The following ERC2 variants were observed in gnomAD, a reference collection of about 807,000 sequenced individuals.
ERC2 encodes the protein ELKS/RAB6-interacting/CAST family member 2.
A neutral mutation model predicts 114.8 loss-of-function variants in ERC2; 42 were observed. The observed-to-expected ratio is 0.37, with a 90% CI of 0.29 to 0.47. The LOEUF is 0.47. ERC2 is among the 20% of genes least tolerant of loss of function. ERC2 has a pLI of 0.99. For synonymous variants in ERC2, 454 were observed against 425.5 expected (o/e 1.07, Z -0.82); for missense variants, 939 against 1,150.7 (o/e 0.82, Z 2.66).
chr3:56,178,161 T>C (rs890481349), intron 3 of ERC2, among the ~76,000 whole-genome samples: 3 of 152,206 alleles, frequency 2.0e-5, no homozygotes, highest in African/African-American at 7.2e-5. Flanking sequence ...AGTGGGTTAA[T>C]CTGGATGGAC....
At chr3:55,833,239 G>A (rs1053044317) in intron 14 of ERC2, among the ~76,000 whole-genome samples, 1 of 150,292 alleles carries the variant, frequency 6.7e-6, no homozygotes, top group African/African-American at 2.5e-5. Flanking sequence ...CCAACATTCA[G>A]ATTCAGGAAA....
At chr3:56,109,598 T>C (rs895855216) in intron 6 of ERC2, among the ~76,000 whole-genome samples, 6 of 152,158 alleles carry the variant, frequency 3.9e-5, no homozygotes, top group Admixed American at 1.3e-4. Context: ...TAACAGAATA[T>C]GATGCAGCAG....
rs2055222806 is a variant in ERC2 at position 56,293,478 on chromosome 3, C to T, written c.1074+2541G>A. On this transcript the variant is annotated intron_variant, in intron 3 of 17. Transcript: ENST00000288221. Reference sequence around the variant, plus strand: ...CAATTCCAGGCTACGTGTGGTTTAACACCAGGATCATGAGATTCCTGAGAA... The same window carrying T: ...CAATTCCAGGCTACGTGTGGTTTAATACCAGGATCATGAGATTCCTGAGAA... Among the ~76,000 whole-genome samples the T allele has an allele frequency of 2.0e-5, 3 of 152,174 alleles. No individual in the cohort carries two copies. In the South Asian group the frequency reaches 6.2e-4, roughly 32 times the overall value.
intron 14 of ERC2, among the ~76,000 whole-genome samples, chr3:55,825,340 G>A (rs1388873341): frequency 2.0e-5 from 3 of 152,038 alleles, no homozygotes; most frequent in African/African-American, 4.8e-5. Context: ...CAAATAAAAC[G>A]GTTATATGGT....
chr3:55,810,465 C>CTTTTTTTTTT (rs11318195), intron 14 of ERC2, among the ~76,000 whole-genome samples: 24 of 146,422 alleles, frequency 1.6e-4, no homozygotes, highest in African/African-American at 5.8e-4. Context: ...CTCTCTCCCT[C>CTTTTTTTTTT]TTTTTTTTTT....
chr3:55,578,959 G>A (rs1291976111), intron 17 of ERC2, among the ~76,000 whole-genome samples: 1 of 152,176 alleles, frequency 6.6e-6, no homozygotes, highest in East Asian at 1.9e-4. Flanking sequence ...AGTGGGGAGA[G>A]AGACAGAGAG....
chr3:55,589,215 C>CAA lies in ERC2; in HGVS notation c.*40-77941_*40-77940dup, dbSNP rs5849104. Among the ~76,000 whole-genome samples the CAA allele has an allele frequency of 5.8e-3, 575 of 99,662 alleles. 8 individuals are homozygous for CAA. The highest frequency in any genetic ancestry group is 9.4e-3 in the African/African-American group (244 of 26,080). 65.4% of individuals were successfully genotyped at this position (99,662 alleles called of 152,430 possible). A position where few individuals can be genotyped will look rare whatever the true frequency, so the allele number is the denominator to read the frequency against. On this transcript the variant is annotated intron_variant, in intron 17 of 17. Coordinates refer to ENST00000288221, the MANE Select transcript of ERC2 (RefSeq NM_015576.3). ...CAACACAGTGAAACCCAGTCACTAC[C>CAA]AAAAAAAAAAAAAAAAAAAGAGAGA...
intron 17 of ERC2, chr3:55,611,003 A>G (rs1002726684): frequency 6.6e-6 from 1 of 152,236 alleles, no homozygotes; most frequent in Non-Finnish European, 1.5e-5. Flanking sequence ...GGTTGGTGTT[A>G]TCAGAAATGA....
chr3:56,161,971 G>A (rs1022281779), intron 4 of ERC2, among the ~76,000 whole-genome samples: 2 of 152,090 alleles, frequency 1.3e-5, no homozygotes, highest in African/African-American at 4.8e-5. Context: ...CAGTTCTCAA[G>A]GGGAATGTGT....
chr3:56,023,448 T>C (rs533254678), intron 7 of ERC2, among the ~76,000 whole-genome samples: 52 of 152,228 alleles, frequency 3.4e-4, no homozygotes, highest in African/African-American at 1.2e-3. Flanking sequence ...ATCTTCCCTA[T>C]CTTTGCCTAT....
intron 6 of ERC2, among the ~76,000 whole-genome samples, chr3:56,101,638 G>A (rs78910402): frequency 0.026 from 3,934 of 152,248 alleles, 174 homozygotes; most frequent in African/African-American, 0.09. Context: ...AGAAACTGAA[G>A]GACCTGAAAA....
chr3:55,969,806 T>A (rs2069025382), intron 12 of ERC2, among the ~76,000 whole-genome samples: 1 of 152,214 alleles, frequency 6.6e-6, no homozygotes, highest in East Asian at 1.9e-4. Flanking sequence ...TTTATTAGCT[T>A]GGCTAACAAC....
At chr3:56,069,170 A>C (rs2076614642) in intron 7 of ERC2, among the ~76,000 whole-genome samples, 1 of 152,034 alleles carries the variant, frequency 6.6e-6, no homozygotes, top group Non-Finnish European at 1.5e-5. Context: ...TTGTGTGGGA[A>C]GACTGCCATT....
chr3:55,805,771 A>G (rs1351439480), intron 14 of ERC2, among the ~76,000 whole-genome samples: 3 of 152,020 alleles, frequency 2.0e-5, no homozygotes, highest in Non-Finnish European at 4.4e-5. Flanking sequence ...ACACCCAGAA[A>G]CCCAGCTCAC....
chr3:55,554,036 T>G (rs1365484410), intron 17 of ERC2, among the ~76,000 whole-genome samples: 2 of 152,226 alleles, frequency 1.3e-5, no homozygotes, highest in African/African-American at 4.8e-5. Context: ...AATGTAATCC[T>G]GCCTAGGCTT....
chr3:56,080,005 G>A (rs937846674), intron 7 of ERC2, among the ~76,000 whole-genome samples: 4 of 151,976 alleles, frequency 2.6e-5, no homozygotes, highest in Non-Finnish European at 5.9e-5. Flanking sequence ...AGGCTCCTGC[G>A]GCCCACCATT....
chr3:56,156,204 T>C (rs750347147), intron 4 of ERC2, among the ~76,000 whole-genome samples: 1 of 152,030 alleles, frequency 6.6e-6, no homozygotes, highest in African/African-American at 2.4e-5. Context: ...GCAAAAATCA[T>C]GGAAATTATG....
At chr3:56,183,378 T>C (rs2083399560) in intron 3 of ERC2, among the ~76,000 whole-genome samples, 6 of 152,234 alleles carry the variant, frequency 3.9e-5, no homozygotes, top group Admixed American at 2.6e-4. Context: ...AGTTACTGGA[T>C]TTTCTCTAAT....
chr3:55,634,528 G>C (rs1350655955), intron 17 of ERC2, among the ~76,000 whole-genome samples: 6 of 152,118 alleles, frequency 3.9e-5, no homozygotes. Flanking sequence ...TCTTCCAGAG[G>C]AATGAATCAG....
Sources: allele counts gnomAD v4.1 joint callset (sites outside exome capture counted in the v4.1 genomes callset), GRCh38; gene constraint gnomAD v4.1.1; transcripts MANE v1.5; gene names NCBI Gene and HGNC (gene_info 2026-07-23, HGNC 2026-07-21).